RYR3: variants seen among roughly 807,000 people sequenced by gnomAD.
RYR3 encodes ryanodine receptor 3, also known as brain ryanodine receptor-calcium release channel.
Under a neutral mutation model 584.3 loss-of-function variants are expected in RYR3, and 207 were observed. That is an observed-to-expected ratio of 0.35 (90% CI 0.32 to 0.40). The LOEUF is 0.40. Ranked by LOEUF, RYR3 falls within the 10% of genes least tolerant of loss-of-function variation. The pLI, the probability that RYR3 is intolerant of heterozygous loss-of-function variation, is 1.00. For synonymous variants in RYR3, 2,416 were observed against 2,248.5 expected (o/e 1.07, Z -2.11); for missense variants, 5,616 against 6,089.2 (o/e 0.92, Z 2.59).
intron 1 of RYR3, among the ~76,000 whole-genome samples, chr15:33,426,225 GAATT>G (rs1283076520): frequency 9.2e-5 from 14 of 152,156 alleles, no homozygotes; most frequent in Admixed American, 9.2e-4. Context: ...ATCAGGAATT[GAATT>G]AATACTTTAA....
chr15:33,601,472 C>A lies in RYR3; in HGVS notation c.1842C>A (p.Ala614=). 6.2e-7 allele frequency: 1 copy of A among 1,613,530 alleles called. No homozygotes were observed. Among genetic ancestry groups the A allele is most frequent in the Non-Finnish European group, 8.5e-7 (1 of 1,179,738 alleles). ...LCLCNGVAVR[A]NQNLICDNLL... is the part of the protein sequence containing the mutation. The stretch of plus-strand genomic sequence containing the variant: ...TCTGCAATGGGGTTGCAGTGAGAGC[C>A]AACCAGAATCTGATCTGTGACAACT... Residue 614 remains alanine (A), a synonymous_variant, in exon 17 of 104, where the codon GCC becomes GCA. Transcript: ENST00000634891.
intron 3 of RYR3, among the ~76,000 whole-genome samples, chr15:33,524,094 G>A (rs1016963084): frequency 1.3e-5 from 2 of 152,018 alleles, no homozygotes; most frequent in Admixed American, 6.5e-5. Context: ...TTAAACACAC[G>A]TACCATGTTG....
At chr15:33,795,914 C>T (rs1222111222) in intron 67 of RYR3, among the ~76,000 whole-genome samples, 1 of 152,120 alleles carries the variant, frequency 6.6e-6, no homozygotes, top group African/African-American at 2.4e-5. Context: ...TAGCATTGAA[C>T]TTTAAATAGT....
At chr15:33,538,751 T>A (rs746215732) in intron 5 of RYR3, among the ~76,000 whole-genome samples, 2 of 152,238 alleles carry the variant, frequency 1.3e-5, no homozygotes, top group African/African-American at 2.4e-5. Context: ...TTTTTATTGA[T>A]GGTTTCTTCA....
chr15:33,699,606 G>A (rs1439547770), intron 40 of RYR3, 98 bp from the exon 41 acceptor site: 10 of 1,073,690 alleles, frequency 9.3e-6, no homozygotes, highest in African/African-American at 1.6e-5. Context: ...ATTTTTCCAA[G>A]TGTTCACACT....
rs758402164 is a variant in RYR3, at chr15:33,810,502, G to A, written c.10050G>A (p.Arg3350=). 1 of 1,614,038 alleles carries A rather than the reference G, an allele frequency of 6.2e-7. No individual in the cohort carries two copies. The highest frequency in any genetic ancestry group is 1.1e-5 in the South Asian group (1 of 91,090). ...QVKSGGQDQE[R]KKTKRRGDLY... The stretch of plus-strand genomic sequence containing the variant: ...AGTCTGGAGGACAAGACCAGGAGCG[G>A]AAGAAGACAAAGCGGCGGGGAGACT... Residue 3350 remains arginine, a synonymous_variant, in exon 71 of 104, where the codon CGG becomes CGA. Coordinates refer to ENST00000634891, the MANE Select transcript of RYR3 (RefSeq NM_001036.6).
At chr15:33,391,137 C>G (rs1345840223) in intron 1 of RYR3, among the ~76,000 whole-genome samples, 1 of 152,114 alleles carries the variant, frequency 6.6e-6, no homozygotes, top group Admixed American at 6.5e-5. Flanking sequence ...TCCCCTCATC[C>G]CTCCAGCCCC....
chr15:33,820,824 T>A lies in RYR3; in HGVS notation c.10815+12T>A, dbSNP rs373472134. 1,593 of 1,574,992 alleles carry A rather than the reference T, an allele frequency of 1.0e-3. 1 individual carries two copies. The highest frequency in any genetic ancestry group is 1.3e-3 in the Non-Finnish European group (1,546 of 1,157,868). On this transcript the variant is annotated intron_variant, in intron 78 of 103. Transcript: ENST00000634891. The stretch of plus-strand genomic sequence containing the variant: ...AAAAAACATTCGAAGTAAGTTCTCA[T>A]GAAGAATAAAAATAGAGCCACCCTC...
At chr15:33,459,928 C>A (rs1283210817) in intron 1 of RYR3, among the ~76,000 whole-genome samples, 1 of 152,074 alleles carries the variant, frequency 6.6e-6, no homozygotes, top group Non-Finnish European at 1.5e-5. Flanking sequence ...GGATATGGAA[C>A]AAATTCTAGT....
intron 34 of RYR3, among the ~76,000 whole-genome samples, 196 bp downstream of exon 34, chr15:33,660,619 G>A (rs974010891): frequency 7.9e-5 from 12 of 152,200 alleles, no homozygotes; most frequent in South Asian, 2.1e-4. Flanking sequence ...ACTAGGAGGT[G>A]CCTGCCACAG....
Position 33,838,076 on chromosome 15 carries a change from C to T in RYR3, c.12096C>T (p.Ile4032=), listed in dbSNP as rs763452753. ...ACTTCGAACCCTACCTAGGACGCAT[C>T]GAGATCATGGGTGGGGCCAAGAAGA... ...LNYFEPYLGR[I]EIMGGAKKIE... Residue 4032 remains isoleucine, a synonymous_variant, in exon 89 of 104, where the codon ATC becomes ATT. Coordinates refer to ENST00000634891, the MANE Select transcript of RYR3 (RefSeq NM_001036.6). 44 of 1,613,800 alleles carry T rather than the reference C, an allele frequency of 2.7e-5. No individual in the cohort carries two copies. The highest frequency in any genetic ancestry group is 1.8e-4 in the Admixed American group (11 of 59,986).
chr15:33,814,900 C>CAAAAAAAAA (rs66623531), intron 74 of RYR3, among the ~76,000 whole-genome samples: 2 of 91,814 alleles, frequency 2.2e-5, no homozygotes, highest in Non-Finnish European at 2.0e-5. Context: ...GACTCTGTCT[C>CAAAAAAAAA]AAAAAAAAAA....
intron 1 of RYR3, among the ~76,000 whole-genome samples, chr15:33,337,084 T>TAAAAAAAAA (rs1555431133): frequency 1.1e-5 from 1 of 94,534 alleles, no homozygotes; most frequent in African/African-American, 3.7e-5. Context: ...AAAAAAAAAG[T>TAAAAAAAAA]TTATAAAACT....
intron 3 of RYR3, among the ~76,000 whole-genome samples, chr15:33,529,211 C>T (rs968585465): frequency 3.3e-5 from 5 of 152,198 alleles, no homozygotes; most frequent in African/African-American, 1.2e-4. Flanking sequence ...CTGGAGAACA[C>T]TTAAATAATC....
At chr15:33,499,547 G>A (rs548151398) in intron 2 of RYR3, among the ~76,000 whole-genome samples, 5 of 152,276 alleles carry the variant, frequency 3.3e-5, no homozygotes, top group East Asian at 3.9e-4. Flanking sequence ...GAACATATAA[G>A]TGAGTTACTG....
At position 33,550,308 on chromosome 15, in the gene RYR3, G is replaced by C. The variant is rs777828892; in HGVS notation, c.964G>C (p.Ala322Pro). ...CAAGTCCACAGCTTTCTCTTTCCGG[G>C]CATCAAAGGTAAGGTGTGATAAAGT... The part of the protein sequence containing the change: ...DTKSTAFSFR[A>P]SKELKEKLDS... The change falls in exon 10 of 104, where the codon GCA (alanine) becomes CCA (proline). Residue 322 changes from alanine (A) to proline (P), a missense_variant. Ala to Pro is a conservative substitution (Grantham distance 27). Coordinates refer to ENST00000634891, the MANE Select transcript of RYR3 (RefSeq NM_001036.6). 6.2e-7 allele frequency: 1 copy of C among 1,612,282 alleles called. No homozygotes were observed. The highest frequency in any genetic ancestry group is 2.2e-5 in the East Asian group (1 of 44,810).
intron 1 of RYR3, among the ~76,000 whole-genome samples, chr15:33,445,663 CAACACACACACA>C (rs1567252490): frequency 2.2e-5 from 1 of 46,458 alleles, no homozygotes; most frequent in African/African-American, 1.0e-4. Flanking sequence ...TTTCCCCCAC[CAACACACACACA>C]CACACACACA....
Position 33,688,590 on chromosome 15 carries a change from AAG to A in RYR3, c.5861-7626_5861-7625del, listed in dbSNP as rs1555409625. On this transcript the variant is annotated intron_variant, in intron 38 of 103. Coordinates refer to ENST00000634891, the MANE Select transcript of RYR3 (RefSeq NM_001036.6). Reference sequence around the variant, plus strand: ...TCCATCTCAAAAAAAAAAAAAAAAAAAGACATTTATGCAGCTAACAGACACAT... The same window carrying A: ...TCCATCTCAAAAAAAAAAAAAAAAAAACATTTATGCAGCTAACAGACACAT... Among the ~76,000 whole-genome samples, 1,355 of 151,332 alleles carry A rather than the reference AAG, an allele frequency of 9.0e-3. 12 individuals are homozygous for A. The highest frequency in any genetic ancestry group is 0.034 in the Middle Eastern group (10 of 290).
intron 1 of RYR3, among the ~76,000 whole-genome samples, chr15:33,434,277 T>G (rs1390421198): frequency 6.6e-6 from 1 of 152,134 alleles, no homozygotes; most frequent in African/African-American, 2.4e-5. Context: ...TTGTTGGTTG[T>G]TTGCCAGTTA....
Sources: gnomAD v4.1 joint callset for allele counts (sites outside exome capture counted in the v4.1 genomes callset) on GRCh38, gnomAD v4.1.1 for gene constraint, MANE v1.5 for transcripts, NCBI Gene and HGNC (gene_info 2026-07-23, HGNC 2026-07-21) for gene names.